The following PTPRN2 variants were observed in gnomAD, a reference collection of about 807,000 sequenced individuals.
PTPRN2 encodes the protein receptor-type tyrosine-protein phosphatase N2.
A neutral mutation model predicts 118.8 loss-of-function variants in PTPRN2; 74 were observed. The ratio of observed to expected loss-of-function variants is 0.62; its 90% confidence interval spans 0.52 to 0.76. The LOEUF (loss-of-function observed/expected upper bound fraction) is 0.76, where lower values mean the gene tolerates loss of function less well. PTPRN2 is among the 30% of genes least tolerant of loss of function. The pLI is 0.00. For synonymous variants in PTPRN2, 641 were observed against 608.0 expected (o/e 1.05, Z -0.80); for missense variants, 1,481 against 1,394.4 (o/e 1.06, Z -0.99).
intron 12 of PTPRN2, among the ~76,000 whole-genome samples, chr7:157,815,775 C>T (rs113097523): frequency 1.7e-4 from 26 of 152,286 alleles, no homozygotes; most frequent in Admixed American, 5.9e-4. Context: ...CTGGGGCGCG[C>T]GCACATGTGT....
chr7:158,406,009 C>T (rs759370902), intron 2 of PTPRN2, among the ~76,000 whole-genome samples: 11 of 114,258 alleles, frequency 9.6e-5, no homozygotes, highest in Non-Finnish European at 1.2e-4. Flanking sequence ...CCGTGAGACA[C>T]GTGGCTGCAC....
chr7:158,019,826 GCT>G (rs1269950728), intron 11 of PTPRN2, among the ~76,000 whole-genome samples: 4 of 152,238 alleles, frequency 2.6e-5, no homozygotes, highest in Non-Finnish European at 5.9e-5. Context: ...TGAGGCCACA[GCT>G]CGGCCTTGGT....
intron 17 of PTPRN2, among the ~76,000 whole-genome samples, chr7:157,580,525 ACCTGCACACCCGAGCCGAGCC>A: frequency 7.5e-6 from 1 of 133,814 alleles, no homozygotes; most frequent in South Asian, 2.5e-4. Context: ...ACACCCCAGC[ACCTGCACACCCGAGCCGAGCC>A]CCTGCACATC....
chr7:157,814,090 A>C (rs1471680693), intron 12 of PTPRN2, among the ~76,000 whole-genome samples: 1 of 152,202 alleles, frequency 6.6e-6, no homozygotes, highest in Non-Finnish European at 1.5e-5. Flanking sequence ...TGCGCAGGTG[A>C]GGCCTGGTGC....
At chr7:158,005,046 GTACC>G (rs147116883) in intron 11 of PTPRN2, among the ~76,000 whole-genome samples, 118 of 151,146 alleles carry the variant, frequency 7.8e-4, no homozygotes, top group African/African-American at 2.7e-3. Context: ...CACCCATGAA[GTACC>G]TGCGGTCTGA....
intron 3 of PTPRN2, among the ~76,000 whole-genome samples, chr7:158,300,319 C>A (rs1357102704): frequency 1.3e-5 from 2 of 152,196 alleles, no homozygotes; most frequent in Non-Finnish European, 2.9e-5. Flanking sequence ...AAGGTCCCCT[C>A]GTATCGTCTG....
At position 158,159,102 on chromosome 7, in the gene PTPRN2, G is replaced by A. The variant is rs563110831; in HGVS notation, c.910+7829C>T. Among the ~76,000 whole-genome samples, 7 of 35,764 alleles carry A rather than the reference G, an allele frequency of 2.0e-4. 3 individuals carry two copies. Among genetic ancestry groups the A allele is most frequent in the Admixed American group, 7.1e-4 (2 of 2,820 alleles). 23.5% of individuals were successfully genotyped at this position (35,764 alleles called of 152,430 possible). On this transcript the variant is annotated intron_variant, in intron 6 of 22. Coordinates refer to ENST00000389418, the MANE Select transcript of PTPRN2 (RefSeq NM_002847.5). ...GAATGAGTGAACGCGGGAGAATCAG[G>A]AGCCCGTGTGATTGGCCAGGACTTT...
intron 12 of PTPRN2, among the ~76,000 whole-genome samples, chr7:157,777,278 T>G (rs970175486): frequency 4.6e-5 from 7 of 152,248 alleles, no homozygotes; most frequent in African/African-American, 1.7e-4. Context: ...AACACGCCCA[T>G]GTCGGTCGCT....
intron 11 of PTPRN2, among the ~76,000 whole-genome samples, chr7:157,909,165 C>CT (rs1302018411): frequency 6.6e-6 from 1 of 152,094 alleles, no homozygotes; most frequent in Non-Finnish European, 1.5e-5. Context: ...AATCCACTGT[C>CT]TTTTTCATTG....
chr7:158,184,886 A>G (rs1825012631), intron 5 of PTPRN2, among the ~76,000 whole-genome samples: 1 of 152,168 alleles, frequency 6.6e-6, no homozygotes, highest in Admixed American at 6.5e-5. Context: ...GTCTAATGCC[A>G]GATTTTAAGT....
intron 1 of PTPRN2, among the ~76,000 whole-genome samples, chr7:158,554,945 C>T (rs975196693): frequency 6.6e-6 from 1 of 152,166 alleles, no homozygotes; most frequent in Admixed American, 6.5e-5. Context: ...GGAGGCTGAG[C>T]CCATCCTCAC....
intron 1 of PTPRN2, among the ~76,000 whole-genome samples, chr7:158,519,651 A>G (rs1823836702): frequency 6.6e-6 from 1 of 152,040 alleles, no homozygotes; most frequent in South Asian, 2.1e-4. Flanking sequence ...GATACTCAAG[A>G]ATCTAGTGGC....
At chr7:158,064,512 C>T (rs554440357) in intron 11 of PTPRN2, among the ~76,000 whole-genome samples, 22 of 152,262 alleles carry the variant, frequency 1.4e-4, no homozygotes, top group Non-Finnish European at 2.6e-4. Flanking sequence ...ACACTGGTCA[C>T]GCCGGACACT....
chr7:158,268,555 G>GAAA, intron 3 of PTPRN2, among the ~76,000 whole-genome samples: 1 of 136,686 alleles, frequency 7.3e-6, no homozygotes, highest in East Asian at 2.3e-4. Flanking sequence ...GGGCGGGTGT[G>GAAA]TAATATCCCA....
At chr7:158,168,562 TCACTC>T (rs1823242334) in intron 5 of PTPRN2, among the ~76,000 whole-genome samples, 1 of 152,214 alleles carries the variant, frequency 6.6e-6, no homozygotes, top group Non-Finnish European at 1.5e-5. Flanking sequence ...CTGGAGGTCT[TCACTC>T]CAACTTCTTT....
At chr7:157,886,911 C>T (rs933107475) in intron 12 of PTPRN2, among the ~76,000 whole-genome samples, 2 of 34,896 alleles carry the variant, frequency 5.7e-5, no homozygotes, top group Non-Finnish European at 6.0e-5. Context: ...GTCACAGATC[C>T]AAACCCACAG....
At chr7:158,171,073 T>TACAC (rs1199310899) in intron 5 of PTPRN2, among the ~76,000 whole-genome samples, 1 of 81,844 alleles carries the variant, frequency 1.2e-5, no homozygotes, top group African/African-American at 3.8e-5. Flanking sequence ...ACACATTATA[T>TACAC]ACACATATAT....
chr7:157,841,899 A>G (rs1025401078), intron 12 of PTPRN2, among the ~76,000 whole-genome samples: 10 of 82,194 alleles, frequency 1.2e-4, no homozygotes, highest in East Asian at 0.011. Flanking sequence ...GACAGCATAC[A>G]GTACCCGGGG....
At chr7:158,264,174 C>T (rs1004507594) in intron 3 of PTPRN2, among the ~76,000 whole-genome samples, 4 of 152,216 alleles carry the variant, frequency 2.6e-5, no homozygotes, top group African/African-American at 7.2e-5. Flanking sequence ...CGCAGCAGCG[C>T]GTCAGGCAGA....
Sources: allele counts gnomAD v4.1 joint callset (sites outside exome capture counted in the v4.1 genomes callset), GRCh38; gene constraint gnomAD v4.1.1; transcripts MANE v1.5; gene names NCBI Gene and HGNC (gene_info 2026-07-23, HGNC 2026-07-21).